RNF144A: variants seen among roughly 807,000 people sequenced by gnomAD.
RNF144A encodes ring finger protein 144A, also known as E3 ubiquitin-protein ligase RNF144A.
In RNF144A, 11 loss-of-function variants were observed where a neutral mutation model predicts 38.7. The observed-to-expected ratio is 0.28, with a 90% CI of 0.18 to 0.47. RNF144A has a LOEUF of 0.47. Ranked by LOEUF, RNF144A falls within the 20% of genes least tolerant of loss-of-function variation. RNF144A has a pLI of 0.99. For synonymous variants in RNF144A, 149 were observed against 143.9 expected (o/e 1.04, Z -0.25); for missense variants, 316 against 377.2 (o/e 0.84, Z 1.34).
intron 5 of RNF144A, among the ~76,000 whole-genome samples, chr2:7,017,738 C>CA (rs1057039263): frequency 1.3e-5 from 2 of 152,144 alleles, no homozygotes; most frequent in Admixed American, 1.3e-4. Context: ...CATACACACA[C>CA]GTGTGTAGAT....
chr2:6,973,970 G>A (rs942199580), intron 2 of RNF144A, among the ~76,000 whole-genome samples: 3 of 152,202 alleles, frequency 2.0e-5, no homozygotes, highest in Admixed American at 6.5e-5. Flanking sequence ...CACTGTTACT[G>A]GACTTCAGGA....
At chr2:7,032,733 A>C (rs1157200322) in intron 8 of RNF144A, among the ~76,000 whole-genome samples, 5 of 152,140 alleles carry the variant, frequency 3.3e-5, no homozygotes, top group Admixed American at 6.5e-5. Context: ...TAATCACCTC[A>C]TGGTAACTTG....
At chr2:6,981,031 T>C (rs988857386) in intron 2 of RNF144A, among the ~76,000 whole-genome samples, 5 of 152,240 alleles carry the variant, frequency 3.3e-5, no homozygotes, top group Non-Finnish European at 5.9e-5. Context: ...TAGCTACAGC[T>C]GTAGCAGCTG....
At chr2:6,918,906 A>AG (rs1323331916) in intron 1 of RNF144A, among the ~76,000 whole-genome samples, 1 of 151,508 alleles carries the variant, frequency 6.6e-6, no homozygotes, top group Non-Finnish European at 1.5e-5. Context: ...CTGCGGTGAG[A>AG]GGGGGTCTAG....
At chr2:7,026,283 G>T (rs1015586124) in intron 7 of RNF144A, among the ~76,000 whole-genome samples, 2 of 152,144 alleles carry the variant, frequency 1.3e-5, no homozygotes, top group Admixed American at 6.5e-5. Flanking sequence ...ATAGTAGAAC[G>T]TGATGCAGCT....
rs1002527202 is a variant in RNF144A, at chr2:6,941,933, T to C, written c.-12+786T>C. ...TGGGCAGGGCATAGTGGGACCTGGC[T>C]GTGCCTGCCATTGCAGGCTGTGGGG... On this transcript the variant is annotated intron_variant, in intron 2 of 8. Transcript: ENST00000320892. This position sits in a 1 kb window ranked among gnomAD's most constrained non-coding sequence, Gnocchi z 6.5. Among the ~76,000 whole-genome samples the C allele has an allele frequency of 6.6e-6, 1 of 152,252 alleles. No individual in the cohort carries two copies. Among genetic ancestry groups the C allele is most frequent in the Non-Finnish European group, 1.5e-5 (1 of 68,040 alleles).
At chr2:7,009,194 G>A (rs1457417792) in intron 3 of RNF144A, among the ~76,000 whole-genome samples, 1 of 152,222 alleles carries the variant, frequency 6.6e-6, no homozygotes. Context: ...AGGTTAAGTA[G>A]GTGGAGGATA....
intron 3 of RNF144A, among the ~76,000 whole-genome samples, chr2:7,001,356 A>T (rs144083783): frequency 0.01 from 1,529 of 150,866 alleles, 19 homozygotes; most frequent in African/African-American, 0.035. Flanking sequence ...AAAATAAAAT[A>T]AAATTAAAAT....
intron 2 of RNF144A, chr2:6,996,693 G>A: frequency 4.0e-6 from 2 of 501,828 alleles, no homozygotes; most frequent in East Asian, 3.2e-5. Flanking sequence ...GGCGGAGGTT[G>A]CAGTGAGCTA....
chr2:6,935,915 A>C (rs903034328), intron 1 of RNF144A, among the ~76,000 whole-genome samples: 3 of 152,222 alleles, frequency 2.0e-5, no homozygotes, highest in Non-Finnish European at 4.4e-5. Flanking sequence ...AAAGTCTGGA[A>C]GCGTCTTTGA....
At chr2:6,925,908 A>G (rs558649878) in intron 1 of RNF144A, among the ~76,000 whole-genome samples, 2 of 152,178 alleles carry the variant, frequency 1.3e-5, no homozygotes, top group African/African-American at 2.4e-5. Context: ...GCATCAATAC[A>G]CACAACACAT....
chr2:7,007,138 G>T (rs1343164506), intron 3 of RNF144A, among the ~76,000 whole-genome samples: 1 of 152,098 alleles, frequency 6.6e-6, no homozygotes, highest in African/African-American at 2.4e-5. Flanking sequence ...CCTCCTCAGT[G>T]CTTTCTTCCA....
In RNF144A at chr2:7,042,506, T is replaced by C. The variant is rs1264823481; in HGVS notation, c.*2746T>C. On this transcript the variant is annotated 3_prime_UTR_variant, in exon 9 of 9. Transcript: ENST00000320892. ...GCGAAGGCCCTTAGACAACCATGGC[T>C]GCTGTACTGCCGCCCAGGGTGGGTG... is the stretch of plus-strand genomic sequence containing the variant. 1.2e-5 allele frequency: 12 copies of C among 985,428 alleles called. No individual in the cohort carries two copies. The highest frequency in any genetic ancestry group is 1.7e-5 in the African/African-American group (1 of 57,252). The allele number at this position is 985,428 out of a possible 1,614,324, so 61.0% of individuals were successfully genotyped here. A position where few individuals can be genotyped will look rare whatever the true frequency, so the allele number is the denominator to read the frequency against.
In RNF144A at chr2:7,025,058, A is replaced by G. The variant is rs559108054; in HGVS notation, c.657+542A>G. Among the ~76,000 whole-genome samples, 4 of 152,244 alleles carry G rather than the reference A, an allele frequency of 2.6e-5. No homozygotes were observed. In the South Asian group the frequency reaches 8.3e-4, roughly 32 times the overall value. ...CTTCATTGACACTCACATCATCTAC[A>G]GGGCGGGAAAACGTGCAAGCCCTTT... On this transcript the variant is annotated intron_variant, in intron 7 of 8. Transcript: ENST00000320892.
chr2:7,023,954 T>C (rs917605269), intron 6 of RNF144A, among the ~76,000 whole-genome samples: 16 of 152,228 alleles, frequency 1.1e-4, no homozygotes, highest in South Asian at 6.2e-4. Flanking sequence ...TTATTTTTCT[T>C]ATAACAGCAA....
At chr2:6,954,183 A>AAAT (rs1666859374) in intron 2 of RNF144A, among the ~76,000 whole-genome samples, 1 of 151,602 alleles carries the variant, frequency 6.6e-6, no homozygotes, top group Non-Finnish European at 1.5e-5. Flanking sequence ...ATTTTTTATG[A>AAAT]CTTTAATATA....
At chr2:6,940,780 T>C (rs978223259) in intron 1 of RNF144A, among the ~76,000 whole-genome samples, 168 bp from the exon 2 acceptor site, 1 of 152,168 alleles carries the variant, frequency 6.6e-6, no homozygotes, top group Non-Finnish European at 1.5e-5. Flanking sequence ...TTTTTTAACA[T>C]AGTAAACCTC....
In RNF144A at chr2:6,996,446, C is replaced by T. The variant is rs540740016; in HGVS notation, c.-11-470C>T. On this transcript the variant is annotated intron_variant, in intron 2 of 8. Coordinates refer to ENST00000320892, the MANE Select transcript of RNF144A (RefSeq NM_014746.6). ...TTGAGGGCAGACATGAAAGTTACTA[C>T]CAGAATGGTAAGGGAGCCACTCACA... Among the ~76,000 whole-genome samples the T allele has an allele frequency of 9.9e-5, 15 of 152,152 alleles. 1 individual carries two copies. In the East Asian group the frequency reaches 1.7e-3, roughly 18 times the overall value.
At chr2:6,966,116 T>G (rs1667653069) in intron 2 of RNF144A, among the ~76,000 whole-genome samples, 1 of 152,186 alleles carries the variant, frequency 6.6e-6, no homozygotes, top group Non-Finnish European at 1.5e-5. Flanking sequence ...ATAGACTGTG[T>G]GAGTATGATT....
Sources: allele counts gnomAD v4.1 joint callset (sites outside exome capture counted in the v4.1 genomes callset), GRCh38; gene constraint gnomAD v4.1.1; non-coding constraint Gnocchi (gnomAD v3.1); transcripts MANE v1.5; gene names NCBI Gene and HGNC (gene_info 2026-07-23, HGNC 2026-07-21).